Variants in GABBR2 observed in about 807,000 individuals in gnomAD.
GABBR2 encodes gamma-aminobutyric acid type B receptor subunit 2.
A neutral mutation model predicts 105.6 loss-of-function variants in GABBR2; 23 were observed. The observed-to-expected ratio is 0.22, with a 90% CI of 0.16 to 0.31. GABBR2 has a LOEUF of 0.31. GABBR2 is among the 10% of genes least tolerant of loss of function. The pLI, the probability that GABBR2 is intolerant of heterozygous loss-of-function variation, is 1.00. For missense variants in GABBR2, 734 were observed against 1,245.5 expected (o/e 0.59, Z 6.18); for synonymous variants, 478 against 499.7 (o/e 0.96, Z 0.58).
Position 98,690,683 on chromosome 9 carries a change from G to GC in GABBR2, c.321+17733dup, listed in dbSNP as rs374767265. ...ATCCCTAGAATCCAGAATGACAGTG[G>GC]CCCCCGGAGTGCTGCTGTCCAAACC... On this transcript the variant is annotated intron_variant, in intron 1 of 18. Transcript: ENST00000259455. 1.4e-3 allele frequency among the ~76,000 whole-genome samples: 218 copies of GC among 152,252 alleles called. 1 individual carries two copies. Among genetic ancestry groups the GC allele is most frequent in the African/African-American group, 5.0e-3 (208 of 41,560 alleles).
intron 7 of GABBR2, among the ~76,000 whole-genome samples, chr9:98,418,526 C>T (rs1006421241): frequency 7.0e-6 from 1 of 142,418 alleles, no homozygotes; most frequent in African/African-American, 2.6e-5. Context: ...CAGAGTGAGA[C>T]CCTGTCTCAA....
At chr9:98,415,407 A>G (rs1456790345) in intron 7 of GABBR2, among the ~76,000 whole-genome samples, 2 of 148,782 alleles carry the variant, frequency 1.3e-5, no homozygotes, top group Non-Finnish European at 2.9e-5. Context: ...TTTACAGATT[A>G]ATTTATTTAC....
chr9:98,304,902 G>A (rs1225466257), intron 15 of GABBR2, among the ~76,000 whole-genome samples: 1 of 152,190 alleles, frequency 6.6e-6, no homozygotes, highest in Non-Finnish European at 1.5e-5. Context: ...CTCCTGAGTA[G>A]CCAGGACTAC....
At chr9:98,481,136 C>T (rs906396094) in intron 4 of GABBR2, 139 bp from the exon 5 acceptor site, 9 of 673,352 alleles carry the variant, frequency 1.3e-5, no homozygotes, top group Admixed American at 6.3e-5. Flanking sequence ...AGGGCAGAAC[C>T]TCACCCCCAA....
intron 1 of GABBR2, among the ~76,000 whole-genome samples, chr9:98,660,735 T>C (rs1284597947): frequency 6.6e-6 from 1 of 152,224 alleles, no homozygotes; most frequent in East Asian, 1.9e-4. Flanking sequence ...TTTCAGCTTC[T>C]AGAGGCCACT....
chr9:98,398,313 A>G (rs1324743540), intron 8 of GABBR2, among the ~76,000 whole-genome samples: 1 of 149,800 alleles, frequency 6.7e-6, no homozygotes, highest in African/African-American at 2.6e-5. Flanking sequence ...AAATGTACTC[A>G]ATTCTAGGAC....
chr9:98,494,118 A>T (rs1213201102), intron 4 of GABBR2, among the ~76,000 whole-genome samples: 1 of 152,212 alleles, frequency 6.6e-6, no homozygotes, highest in Admixed American at 6.5e-5. Flanking sequence ...CAAACTGCCA[A>T]GGATTACTGG....
At chr9:98,677,612 A>G (rs1178458444) in intron 1 of GABBR2, among the ~76,000 whole-genome samples, 1 of 152,104 alleles carries the variant, frequency 6.6e-6, no homozygotes, top group Non-Finnish European at 1.5e-5. Flanking sequence ...AAATCATGTC[A>G]TTTCCCTGCT....
chr9:98,641,171 T>C (rs1829956653), intron 1 of GABBR2, among the ~76,000 whole-genome samples: 1 of 151,854 alleles, frequency 6.6e-6, no homozygotes, highest in Non-Finnish European at 1.5e-5. Context: ...TCTTGCTCTG[T>C]TGCCCAGGCT....
intron 8 of GABBR2, among the ~76,000 whole-genome samples, chr9:98,394,462 C>G (rs1832251094): frequency 6.6e-6 from 1 of 152,238 alleles, no homozygotes; most frequent in South Asian, 2.1e-4. Flanking sequence ...GTCTCATCAA[C>G]TGGTTGTCCA....
At chr9:98,661,203 C>T (rs1830256913) in intron 1 of GABBR2, among the ~76,000 whole-genome samples, 1 of 152,120 alleles carries the variant, frequency 6.6e-6, no homozygotes, top group Non-Finnish European at 1.5e-5. Flanking sequence ...CCACTGCACC[C>T]AGCCGCAAGA....
intron 11 of GABBR2, among the ~76,000 whole-genome samples, chr9:98,383,640 T>C (rs534140408): frequency 2.6e-5 from 4 of 152,290 alleles, no homozygotes; most frequent in South Asian, 4.2e-4. Context: ...CACTGCCCAA[T>C]TGAGGATAAA....
chr9:98,496,862 T>G (rs529781029), intron 3 of GABBR2, among the ~76,000 whole-genome samples: 121 of 152,342 alleles, frequency 7.9e-4, no homozygotes, highest in African/African-American at 2.8e-3. Flanking sequence ...TCTTTGTTAA[T>G]ATTTTGCACT....
chr9:98,318,717 G>T (rs1410435306), intron 13 of GABBR2, among the ~76,000 whole-genome samples: 2 of 152,204 alleles, frequency 1.3e-5, no homozygotes, highest in Non-Finnish European at 2.9e-5. Flanking sequence ...TTTGAGGGAG[G>T]GGGTGCTTTC....
At chr9:98,634,391 T>C (rs1285772066) in intron 1 of GABBR2, among the ~76,000 whole-genome samples, 2 of 152,196 alleles carry the variant, frequency 1.3e-5, no homozygotes, top group East Asian at 3.8e-4. Context: ...GCTGATATAA[T>C]CAGTTAAGGA....
chr9:98,640,221 T>C (rs1291752787), intron 1 of GABBR2, among the ~76,000 whole-genome samples: 1 of 151,646 alleles, frequency 6.6e-6, no homozygotes, highest in Non-Finnish European at 1.5e-5. Flanking sequence ...CTTATTCACT[T>C]TTGGATCTGC....
intron 1 of GABBR2, among the ~76,000 whole-genome samples, chr9:98,701,169 G>A (rs1239136399): frequency 6.6e-6 from 1 of 152,158 alleles, no homozygotes; most frequent in Non-Finnish European, 1.5e-5. Context: ...TGCCCACAGG[G>A]AAGGAAAGTC....
Position 98,394,352 on chromosome 9 carries a change from A to G in GABBR2, c.1298-97T>C, listed in dbSNP as rs536674858. On this transcript the variant is annotated intron_variant, in intron 8 of 18. Transcript: ENST00000259455. ...CTCTTGCTCCCCTCACAGGCCCTGG[A>G]TATATTCTGGCAGGCTTCCCTTTCT... 4.2e-4 allele frequency: 340 copies of G among 812,544 alleles called. 1 individual carries two copies. Among genetic ancestry groups the G allele is most frequent in the Admixed American group, 1.0e-3 (50 of 49,582 alleles). 50.3% of individuals were successfully genotyped at this position (812,544 alleles called of 1,614,324 possible).
intron 1 of GABBR2, among the ~76,000 whole-genome samples, chr9:98,588,264 C>G (rs759546234): frequency 6.6e-6 from 1 of 152,196 alleles, no homozygotes; most frequent in African/African-American, 2.4e-5. Flanking sequence ...TAAATATACA[C>G]TATATTGTTT....
Sources: gnomAD v4.1 joint callset for allele counts (sites outside exome capture counted in the v4.1 genomes callset) on GRCh38, gnomAD v4.1.1 for gene constraint, MANE v1.5 for transcripts, NCBI Gene and HGNC (gene_info 2026-07-23, HGNC 2026-07-21) for gene names.